Variants in EPN3 observed in about 807,000 individuals in gnomAD.
EPN3 encodes the protein epsin-3.
EPN3 carries 56 observed loss-of-function variants against 55.5 expected under a neutral mutation model. That is an observed-to-expected ratio of 1.01 (90% CI 0.81 to 1.26). The LOEUF (loss-of-function observed/expected upper bound fraction) is 1.26, where lower values mean the gene tolerates loss of function less well. EPN3 is among the 50% of genes most tolerant of loss of function. The pLI, the probability that EPN3 is intolerant of heterozygous loss-of-function variation, is 0.00. For synonymous variants in EPN3, 449 were observed against 375.2 expected (o/e 1.20, Z -2.27); for missense variants, 927 against 853.4 (o/e 1.09, Z -1.07).
rs1478869719 is a variant in EPN3, at chr17:50,538,197, G to A, written c.681G>A (p.Lys227=). 15 of 1,608,790 alleles carry A rather than the reference G, an allele frequency of 9.3e-6. No homozygotes were observed. The Admixed American group carries it at 2.5e-4, about 27-fold the overall frequency. The change falls in exon 3 of 10, where the codon AAG becomes AAA. Residue 227 remains lysine, a splice_region_variant and synonymous_variant. Transcript: ENST00000268933. ...ALAMSREEAE[K]PVPPASHRDE... is the part of the protein sequence containing the mutation. The stretch of plus-strand genomic sequence containing the variant: ...CCATGAGCCGTGAGGAGGCAGAGAA[G>A]GTGAGGCCATGCAGCCCCACTGCGG...
In EPN3 at chr17:50,541,576, G is replaced by C. The variant is rs1567905652; in HGVS notation, c.1467G>C (p.Glu489Asp). 5 of 1,614,188 alleles carry C rather than the reference G, an allele frequency of 3.1e-6. No individual in the cohort carries two copies. The highest frequency in any genetic ancestry group is 4.2e-6 in the Non-Finnish European group (5 of 1,180,024). ...AAGCACTAACCCAGCCAAGCAAAGA[G>C]GCCCGAGCTTGCCGGACTCCCGAGT... ...LGEALTQPSK[E>D]ARACRTPESF... is the part of the protein sequence containing the mutation. Residue 489 changes from glutamate (E) to aspartate (D), a missense_variant, in exon 9 of 10, where the codon GAG becomes GAC. Transcript: ENST00000268933.
In EPN3 at chr17:50,536,843, G is replaced by A; in HGVS notation, c.287G>A (p.Cys96Tyr). Residue 96 changes from cysteine to tyrosine, a missense_variant, in exon 2 of 10, where the codon TGC (cysteine) becomes TAC (tyrosine). Cys to Tyr is a radical substitution (Grantham distance 194). Transcript: ENST00000268933. ...GGCTCCGAGCGGGTGGCCCACCAGT[G>A]CCGCGAGAACCTCTACACCATCCAG... Reference protein sequence around the residue: ...KTGSERVAHQCRENLYTIQTL... With the variant: ...KTGSERVAHQYRENLYTIQTL... 1.2e-6 allele frequency: 2 copies of A among 1,614,110 alleles called. No individual in the cohort carries two copies. Among genetic ancestry groups the A allele is most frequent in the Non-Finnish European group, 1.7e-6 (2 of 1,180,036 alleles).
Position 50,538,935 on chromosome 17 carries a change from C to T in EPN3, c.733C>T (p.Leu245=), listed in dbSNP as rs1390320793. 6.2e-7 allele frequency: 1 copy of T among 1,608,544 alleles called. No homozygotes were observed. The highest frequency in any genetic ancestry group is 1.7e-5 in the Admixed American group (1 of 59,710). The part of the protein sequence containing the change: ...RDEDLQLQLA[L]RLSRQEHEKE... ...CGAGGACCTGCAGCTGCAGCTGGCT[C>T]TGCGCCTGAGCCGGCAGGAGCACGA... is the stretch of plus-strand genomic sequence containing the variant. Residue 245 remains leucine, a synonymous_variant, in exon 4 of 10, where the codon CTG becomes TTG. Coordinates refer to ENST00000268933, the MANE Select transcript of EPN3 (RefSeq NM_017957.3).
At chr17:50,535,405 T>C (rs1021595102) in intron 1 of EPN3, among the ~76,000 whole-genome samples, 1 of 152,206 alleles carries the variant, frequency 6.6e-6, no homozygotes, top group African/African-American at 2.4e-5. Flanking sequence ...GCCTCAACAC[T>C]TCCATGTGTA....
intron 3 of EPN3, 84 bp from the exon 4 acceptor site, chr17:50,538,800 C>T: frequency 9.6e-7 from 1 of 1,045,110 alleles, no homozygotes; most frequent in South Asian, 1.8e-5. Flanking sequence ...TGTCTCCATC[C>T]CCATGACCCA....
chr17:50,539,407 A>G (rs2034814034), intron 5 of EPN3, 92 bp downstream of exon 5: 1 of 1,559,484 alleles, frequency 6.4e-7, no homozygotes, highest in African/African-American at 1.3e-5. Flanking sequence ...CCTGGCATAT[A>G]GTAAGCACTG....
At chr17:50,534,613 G>C (rs1193294511) in intron 1 of EPN3, 1 of 985,372 alleles carries the variant, frequency 1.0e-6, no homozygotes, top group African/African-American at 1.7e-5. Flanking sequence ...CCCACAGAAG[G>C]CCCACGACCC....
In EPN3 at chr17:50,538,171, G is replaced by T; in HGVS notation, c.655G>T (p.Ala219Ser). The stretch of plus-strand genomic sequence containing the variant: ...GGAACTGCAGCTGCAGCTGGCCCTC[G>T]CCATGAGCCGTGAGGAGGCAGAGAA... ...EEELQLQLAL[A>S]MSREEAEKPV... Residue 219 changes from alanine (A) to serine (S), a missense_variant, in exon 3 of 10, where the codon GCC becomes TCC. By Grantham distance (99) the Ala-to-Ser change is moderately conservative. Coordinates refer to ENST00000268933, the MANE Select transcript of EPN3 (RefSeq NM_017957.3). The T allele has an allele frequency of 6.2e-7, 1 of 1,611,016 alleles. No homozygotes were observed. Among genetic ancestry groups the T allele is most frequent in the Non-Finnish European group, 8.5e-7 (1 of 1,179,408 alleles).
In EPN3 at chr17:50,536,408, C is replaced by A; in HGVS notation, c.-136-13C>A. 1 of 1,477,182 alleles carries A rather than the reference C, an allele frequency of 6.8e-7. No homozygotes were observed. Among genetic ancestry groups the A allele is most frequent in the Non-Finnish European group, 8.9e-7 (1 of 1,123,340 alleles). 91.5% of individuals were successfully genotyped at this position (1,477,182 alleles called of 1,614,324 possible). ...GGCCTCTGCCCCTGAGTTCCTGGCC[C>A]TCTCTTCCTCAGCCCCATGTGGAAC... On this transcript the variant is annotated splice_polypyrimidine_tract_variant and intron_variant, in intron 1 of 9. Coordinates refer to ENST00000268933, the MANE Select transcript of EPN3 (RefSeq NM_017957.3).
At chr17:50,533,191 C>G (rs1284744948) in intron 1 of EPN3, among the ~76,000 whole-genome samples, 1 of 152,160 alleles carries the variant, frequency 6.6e-6, no homozygotes, top group Non-Finnish European at 1.5e-5. Flanking sequence ...CCCCAACCAT[C>G]CTGGGACTTA....
intron 5 of EPN3, 143 bp from the exon 6 acceptor site, chr17:50,540,104 C>T: frequency 1.7e-6 from 1 of 586,618 alleles, no homozygotes; most frequent in Non-Finnish European, 3.0e-6. Flanking sequence ...AACTGTAAAG[C>T]ACTGTGCAGA....
At chr17:50,538,715 C>T (rs2034800041) in intron 3 of EPN3, 169 bp from the exon 4 acceptor site, 1 of 516,610 alleles carries the variant, frequency 1.9e-6, no homozygotes, top group Non-Finnish European at 3.5e-6. Flanking sequence ...ATTTCAGATG[C>T]AGGCAGGGAG....
intron 6 of EPN3, 135 bp downstream of exon 6, chr17:50,540,469 C>A (rs1057353221): frequency 6.1e-5 from 48 of 786,392 alleles, no homozygotes; most frequent in Non-Finnish European, 2.0e-6. Context: ...TGAGCCTCCG[C>A]CGCCTGTGGG....
At chr17:50,539,464 C>A in intron 5 of EPN3, 149 bp downstream of exon 5, 1 of 1,218,392 alleles carries the variant, frequency 8.2e-7, no homozygotes, top group Non-Finnish European at 1.1e-6. Context: ...CAGCCCTAGT[C>A]CCACATTGCA....
rs748605251 is a variant in EPN3, at chr17:50,538,888, TC to T, written c.692del (p.Pro231GlnfsTer17). 5.0e-6 allele frequency: 8 copies of T among 1,599,802 alleles called. No individual in the cohort carries two copies. Among genetic ancestry groups the T allele is most frequent in the South Asian group, 1.1e-5 (1 of 89,842 alleles). ...AMSREEAEKP[V>X]PPASHRDEDL... ...TACCCCTCTCTTCCTCCGCAGCCTG[TC>T]CCCCCAGCCTCCCACAGGGACGAGG... On this transcript the variant is annotated frameshift_variant, in exon 4 of 10. Transcript: ENST00000268933. LOFTEE classifies it high-confidence loss of function.
In EPN3 at chr17:50,540,910, T is replaced by C. The variant is rs1185082002; in HGVS notation, c.1097T>C (p.Met366Thr). ...AGCCAGCCCTGGGATCTGACTCCCATGCTCTCCTCCTCTGAGCCCTGGGGC... is the reference window on the plus strand; with the variant it reads ...AGCCAGCCCTGGGATCTGACTCCCACGCTCTCCTCCTCTGAGCCCTGGGGC... ...SRSQPWDLTPMLSSSEPWGRT... is the reference protein window; with the variant it reads ...SRSQPWDLTPTLSSSEPWGRT... The change falls in exon 7 of 10, where the codon ATG (methionine) becomes ACG (threonine). Residue 366 changes from methionine to threonine, a missense_variant. Transcript: ENST00000268933. The C allele has an allele frequency of 3.7e-6, 6 of 1,614,030 alleles. No individual in the cohort carries two copies. The African/African-American group carries it at 6.7e-5, about 18-fold the overall frequency.
Position 50,536,906 on chromosome 17 carries a change from A to C in EPN3, c.350A>C (p.Lys117Thr). Residue 117 changes from lysine to threonine, a missense_variant, in exon 2 of 10, where the codon AAG (lysine) becomes ACG (threonine). Transcript: ENST00000268933. ...KDFQYIDRDG[K>T]DQGVNVREKV... is the part of the protein sequence containing the mutation. ...TTCCAGTACATCGACCGCGACGGCAAGGACCAGGGCGTCAACGTGCGCGAG... is the reference window on the plus strand; with the variant it reads ...TTCCAGTACATCGACCGCGACGGCACGGACCAGGGCGTCAACGTGCGCGAG... 2 of 1,614,136 alleles carry C rather than the reference A, an allele frequency of 1.2e-6. No homozygotes were observed. The highest frequency in any genetic ancestry group is 2.7e-5 in the African/African-American group (2 of 75,044).
intron 1 of EPN3, 71 bp downstream of exon 1, chr17:50,533,056 G>C: frequency 1.0e-6 from 1 of 990,004 alleles, no homozygotes; most frequent in Non-Finnish European, 1.4e-6. Context: ...GGAGCAAACA[G>C]TGGTTCTGGG....
chr17:50,538,702 T>A (rs2034799754), intron 3 of EPN3, 182 bp from the exon 4 acceptor site: 2 of 515,606 alleles, frequency 3.9e-6, no homozygotes, highest in African/African-American at 1.9e-5. Context: ...ACCTTTAAAC[T>A]GCATTTCAGA....
Sources: gnomAD v4.1 joint callset for allele counts (sites outside exome capture counted in the v4.1 genomes callset) on GRCh38, gnomAD v4.1.1 for gene constraint, MANE v1.5 for transcripts, NCBI Gene and HGNC (gene_info 2026-07-23, HGNC 2026-07-21) for gene names.